GRIN3A: variants seen among roughly 807,000 people sequenced by gnomAD.
GRIN3A encodes glutamate receptor ionotropic, NMDA 3A.
Under a neutral mutation model 92.4 loss-of-function variants are expected in GRIN3A, and 47 were observed. That is an observed-to-expected ratio of 0.51 (90% CI 0.40 to 0.65). The LOEUF is 0.65. Ranked by LOEUF, GRIN3A falls within the 30% of genes least tolerant of loss-of-function variation. The probability of loss-of-function intolerance (pLI) is 0.00; values close to 1 mark genes in which losing one functional copy is unlikely to be tolerated. For missense variants in GRIN3A, 1,324 were observed against 1,393.1 expected, an observed-to-expected ratio of 0.95 and a Z score of 0.79; for synonymous variants, 527 against 540.6, an observed-to-expected ratio of 0.97 and a Z score of 0.35.
At chr9:101,658,681 A>G (rs1214530597) in intron 3 of GRIN3A, among the ~76,000 whole-genome samples, 1 of 151,936 alleles carries the variant, frequency 6.6e-6, no homozygotes, top group Non-Finnish European at 1.5e-5. Context: ...ATAGATTCTG[A>G]CAAAATATTC....
At chr9:101,636,604 G>C (rs1321976744) in intron 3 of GRIN3A, among the ~76,000 whole-genome samples, 1 of 152,162 alleles carries the variant, frequency 6.6e-6, no homozygotes, top group Non-Finnish European at 1.5e-5. Flanking sequence ...GTTATCTCGA[G>C]TATATTATTC....
Position 101,641,669 on chromosome 9 carries a change from T to C in GRIN3A, c.2353-13268A>G, listed in dbSNP as rs550435425. Among the ~76,000 whole-genome samples, 39 of 152,006 alleles carry C rather than the reference T, an allele frequency of 2.6e-4. No individual in the cohort carries two copies. In the South Asian group the frequency reaches 7.9e-3, roughly 31 times the overall value. On this transcript the variant is annotated intron_variant, in intron 3 of 8. Coordinates refer to ENST00000361820, the MANE Select transcript of GRIN3A (RefSeq NM_133445.3). ...AGGGGAGGGATAGCATTAGGAGATA[T>C]ACCTAATGCTAAATGACGAGTTAAT...
intron 4 of GRIN3A, among the ~76,000 whole-genome samples, chr9:101,625,999 C>G (rs1828629748): frequency 6.6e-6 from 1 of 152,158 alleles, no homozygotes; most frequent in Admixed American, 6.5e-5. Flanking sequence ...GTGCAGATAG[C>G]TATGATAAAT....
At chr9:101,649,129 G>C (rs1828977478) in intron 3 of GRIN3A, among the ~76,000 whole-genome samples, 1 of 151,960 alleles carries the variant, frequency 6.6e-6, no homozygotes, top group Non-Finnish European at 1.5e-5. Context: ...AAACTATATT[G>C]CTGTCCTGCC....
intron 2 of GRIN3A, 90 bp from the exon 3 acceptor site, chr9:101,671,197 AAAAT>A: frequency 2.2e-6 from 2 of 925,308 alleles, no homozygotes; most frequent in Non-Finnish European, 1.8e-6. Flanking sequence ...TGTCTTAATA[AAAAT>A]AAATTCGAAT....
intron 1 of GRIN3A, among the ~76,000 whole-genome samples, chr9:101,688,699 A>G (rs1442605318): frequency 1.3e-5 from 2 of 152,112 alleles, no homozygotes; most frequent in Admixed American, 6.5e-5. Flanking sequence ...AGGCAGGATC[A>G]CTTGAGGTCA....
chr9:101,708,995 A>G (rs1829843871), intron 1 of GRIN3A, among the ~76,000 whole-genome samples: 4 of 152,214 alleles, frequency 2.6e-5, no homozygotes, highest in Admixed American at 1.3e-4. Context: ...TGATAGTAAC[A>G]CACAGGCAAT....
chr9:101,715,449 A>G (rs1255027505), intron 1 of GRIN3A, among the ~76,000 whole-genome samples: 2 of 152,168 alleles, frequency 1.3e-5, no homozygotes, highest in African/African-American at 4.8e-5. Context: ...TAAGGCTAGG[A>G]GTTCAAAATT....
chr9:101,594,751 T>C, intron 6 of GRIN3A: 1 of 1,614,104 alleles, frequency 6.2e-7, no homozygotes, highest in Non-Finnish European at 8.5e-7. Flanking sequence ...CGTCGATCAC[T>C]CGCCGCACCA....
intron 3 of GRIN3A, 58 bp from the exon 4 acceptor site, chr9:101,628,459 A>G: frequency 6.5e-7 from 1 of 1,536,432 alleles, no homozygotes; most frequent in Non-Finnish European, 8.9e-7. Flanking sequence ...GTGTTTTTTA[A>G]CATTTTTTTC....
chr9:101,600,733 G>C (rs895244873), intron 6 of GRIN3A: 3 of 152,306 alleles, frequency 2.0e-5, no homozygotes, highest in Admixed American at 2.0e-4. Flanking sequence ...GAGGTCAAGG[G>C]AGAGCATATG....
intron 3 of GRIN3A, among the ~76,000 whole-genome samples, chr9:101,641,349 T>C (rs534609586): frequency 3.6e-4 from 55 of 152,264 alleles, no homozygotes; most frequent in African/African-American, 1.2e-3. Flanking sequence ...ATGTTTATTG[T>C]GGCACTATTC....
At chr9:101,715,670 C>T (rs1829936094) in intron 1 of GRIN3A, among the ~76,000 whole-genome samples, 1 of 152,084 alleles carries the variant, frequency 6.6e-6, no homozygotes, top group Admixed American at 6.5e-5. Flanking sequence ...AGTTTCATGA[C>T]ATAATGAAAG....
chr9:101,627,499 A>C (rs538445525), intron 4 of GRIN3A, among the ~76,000 whole-genome samples: 36 of 152,304 alleles, frequency 2.4e-4, no homozygotes, highest in African/African-American at 8.2e-4. Flanking sequence ...GATGCTGCAC[A>C]ATTCTAGGAA....
At chr9:101,619,854 C>G (rs1357098060) in intron 5 of GRIN3A, among the ~76,000 whole-genome samples, 2 of 152,088 alleles carry the variant, frequency 1.3e-5, no homozygotes, top group African/African-American at 4.8e-5. Flanking sequence ...TATCTCAACA[C>G]TTTTTTTTCT....
At chr9:101,649,995 G>A (rs1319009239) in intron 3 of GRIN3A, among the ~76,000 whole-genome samples, 1 of 152,054 alleles carries the variant, frequency 6.6e-6, no homozygotes, top group Non-Finnish European at 1.5e-5. Flanking sequence ...TGGAATAGGA[G>A]TTGAAACTTA....
Position 101,719,092 on chromosome 9 carries a change from G to A in GRIN3A, c.699+18189C>T, listed in dbSNP as rs182545557. On this transcript the variant is annotated intron_variant, in intron 1 of 8. Coordinates refer to ENST00000361820, the MANE Select transcript of GRIN3A (RefSeq NM_133445.3). ...AGGGGTTTAAGCAGGTTAGTACACC[G>A]ATTCTCTTTCTGACAGAAGCTGGGA... Among the ~76,000 whole-genome samples the A allele has an allele frequency of 1.9e-4, 29 of 152,282 alleles. No individual in the cohort carries two copies. In the East Asian group the frequency reaches 4.3e-3, roughly 22 times the overall value.
At chr9:101,671,660 T>A (rs1829326906) in intron 2 of GRIN3A, among the ~76,000 whole-genome samples, 1 of 152,178 alleles carries the variant, frequency 6.6e-6, no homozygotes, top group African/African-American at 2.4e-5. Flanking sequence ...TTACCAATGT[T>A]TCTTCTTGTG....
chr9:101,623,904 T>A (rs1828593118), intron 4 of GRIN3A, among the ~76,000 whole-genome samples: 1 of 152,230 alleles, frequency 6.6e-6, no homozygotes, highest in Admixed American at 6.5e-5. Context: ...TAGTAAGTGT[T>A]GGGACTAGGT....
Sources: gnomAD v4.1 joint callset for allele counts (sites outside exome capture counted in the v4.1 genomes callset) on GRCh38, gnomAD v4.1.1 for gene constraint, MANE v1.5 for transcripts, NCBI Gene and HGNC (gene_info 2026-07-23, HGNC 2026-07-21) for gene names.